Variants in CCDC91 observed in about 807,000 individuals in gnomAD.
The protein encoded by CCDC91 is coiled-coil domain containing 91.
A neutral mutation model predicts 63.2 loss-of-function variants in CCDC91; 48 were observed. That is an observed-to-expected ratio of 0.76 (90% CI 0.60 to 0.97). The LOEUF is 0.97. CCDC91 is among the 50% of genes least tolerant of loss of function. CCDC91 has a pLI of 0.00. For missense variants in CCDC91, 500 were observed against 494.6 expected, an observed-to-expected ratio of 1.01 and a Z score of -0.10; for synonymous variants, 167 against 165.8, an observed-to-expected ratio of 1.01 and a Z score of -0.06.
chr12:28,327,471 A>G (rs11049533), intron 6 of CCDC91, among the ~76,000 whole-genome samples: 28,194 of 152,058 alleles, frequency 0.19, 3,442 homozygotes, highest in Non-Finnish European at 0.28. Flanking sequence ...TGGAGTGGCC[A>G]TCTTCCTTGC....
At chr12:28,276,455 C>G (rs952846770) in intron 3 of CCDC91, among the ~76,000 whole-genome samples, 2 of 151,916 alleles carry the variant, frequency 1.3e-5, no homozygotes, top group African/African-American at 4.8e-5. Context: ...TTTTCTTTCT[C>G]TTAATGGGAA....
At chr12:28,374,197 T>C (rs1343119510) in intron 7 of CCDC91, among the ~76,000 whole-genome samples, 2 of 152,096 alleles carry the variant, frequency 1.3e-5, no homozygotes, top group African/African-American at 2.4e-5. Flanking sequence ...AAAATAGTGG[T>C]TACTCTGTTA....
chr12:28,406,722 T>C (rs917022577), intron 8 of CCDC91, among the ~76,000 whole-genome samples: 2 of 151,700 alleles, frequency 1.3e-5, no homozygotes, highest in Non-Finnish European at 2.9e-5. Flanking sequence ...GTTTTTCCTA[T>C]GTTCTATTAA....
At chr12:28,345,248 G>A (rs1049051548) in intron 6 of CCDC91, among the ~76,000 whole-genome samples, 34 of 151,766 alleles carry the variant, frequency 2.2e-4, no homozygotes, top group African/African-American at 4.8e-5. Context: ...ATGTGTATGC[G>A]TGTGTTTGTG....
At chr12:28,305,116 TCTTTCCCCTTA>T (rs1938567291) in intron 3 of CCDC91, among the ~76,000 whole-genome samples, 1 of 152,130 alleles carries the variant, frequency 6.6e-6, no homozygotes, top group African/African-American at 2.4e-5. Context: ...AAGTAATTGT[TCTTTCCCCTTA>T]CTTATTTTAT....
At chr12:28,472,727 C>T (rs1048166245) in intron 11 of CCDC91, among the ~76,000 whole-genome samples, 1 of 152,096 alleles carries the variant, frequency 6.6e-6, no homozygotes, top group African/African-American at 2.4e-5. Context: ...ACAGTCATCA[C>T]TTGGGAGGCA....
chr12:28,462,373 T>C (rs1950349206), intron 11 of CCDC91, among the ~76,000 whole-genome samples: 1 of 152,130 alleles, frequency 6.6e-6, no homozygotes, highest in African/African-American at 2.4e-5. Context: ...TTTTTATATA[T>C]TATCTTTTCA....
chr12:28,461,669 G>A (rs3911810), intron 11 of CCDC91, among the ~76,000 whole-genome samples: 31,718 of 151,822 alleles, frequency 0.21, 4,342 homozygotes, highest in Non-Finnish European at 0.31. Context: ...ACCTAAAAAC[G>A]TAAAGCATGA....
chr12:28,510,257 G>A (rs776928049), intron 12 of CCDC91, among the ~76,000 whole-genome samples: 2 of 150,898 alleles, frequency 1.3e-5, no homozygotes, highest in South Asian at 4.2e-4. Context: ...GTGTGTGTGT[G>A]TAGAAAGAGA....
intron 3 of CCDC91, chr12:28,304,676 C>T: frequency 7.8e-7 from 1 of 1,276,748 alleles, no homozygotes; most frequent in Middle Eastern, 2.2e-4. Flanking sequence ...TATGGTAGAA[C>T]TTCACTGAAG....
intron 6 of CCDC91, among the ~76,000 whole-genome samples, chr12:28,312,641 G>A (rs1230396636): frequency 1.3e-5 from 2 of 152,036 alleles, no homozygotes; most frequent in East Asian, 3.9e-4. Context: ...TTTAAATAGT[G>A]ATATGGTTTG....
At chr12:28,276,057 G>C (rs1193460606) in intron 3 of CCDC91, among the ~76,000 whole-genome samples, 1 of 151,950 alleles carries the variant, frequency 6.6e-6, no homozygotes, top group East Asian at 1.9e-4. Context: ...TTTGAAAACT[G>C]GCACAAGACA....
intron 8 of CCDC91, among the ~76,000 whole-genome samples, chr12:28,442,819 T>C (rs1049293911): frequency 4.6e-5 from 7 of 152,064 alleles, no homozygotes; most frequent in South Asian, 2.1e-4. Context: ...TTTAAAGTAT[T>C]TTATGATCAA....
In CCDC91 at chr12:28,318,423, C is replaced by G. The variant is rs74872420; in HGVS notation, c.576+10674C>G. ...TGGGCATGGTGTGTGCACCTGTTGT[C>G]CTAGCTACTTGGTAGGCTGAGACTA... On this transcript the variant is annotated intron_variant, in intron 6 of 12. Coordinates refer to ENST00000536442, the MANE Select transcript of CCDC91 (RefSeq NM_018318.5). Among the ~76,000 whole-genome samples the G allele has an allele frequency of 2.0e-3, 306 of 151,802 alleles. 2 individuals carry two copies. The highest frequency in any genetic ancestry group is 7.1e-3 in the African/African-American group (293 of 41,444).
At chr12:28,345,326 A>G (rs541685012) in intron 6 of CCDC91, among the ~76,000 whole-genome samples, 1 of 152,236 alleles carries the variant, frequency 6.6e-6, no homozygotes, top group Admixed American at 6.5e-5. Flanking sequence ...ACTTAACATA[A>G]CTTAGATTAT....
chr12:28,481,642 TGA>T (rs1951452949), intron 11 of CCDC91, among the ~76,000 whole-genome samples: 1 of 151,996 alleles, frequency 6.6e-6, no homozygotes, highest in Non-Finnish European at 1.5e-5. Context: ...GAATTGGGCC[TGA>T]TTAGAAAGTA....
intron 1 of CCDC91, among the ~76,000 whole-genome samples, chr12:28,191,578 G>T (rs1256178410): frequency 2.0e-5 from 3 of 152,158 alleles, no homozygotes; most frequent in Non-Finnish European, 4.4e-5. Context: ...ATGTTGCGTG[G>T]TGGAGTTATT....
intron 8 of CCDC91, among the ~76,000 whole-genome samples, chr12:28,415,299 C>A (rs1447176196): frequency 6.6e-6 from 1 of 151,932 alleles, no homozygotes; most frequent in Non-Finnish European, 1.5e-5. Flanking sequence ...TCTCGGCTCA[C>A]TGCAACCTCC....
At chr12:28,220,975 T>C (rs1344724803) in intron 1 of CCDC91, among the ~76,000 whole-genome samples, 3 of 152,144 alleles carry the variant, frequency 2.0e-5, no homozygotes, top group Non-Finnish European at 4.4e-5. Context: ...GGTTTTATAG[T>C]GTTCATGAAA....
Sources: gnomAD v4.1 joint callset for allele counts (sites outside exome capture counted in the v4.1 genomes callset) on GRCh38, gnomAD v4.1.1 for gene constraint, MANE v1.5 for transcripts, NCBI Gene and HGNC (gene_info 2026-07-23, HGNC 2026-07-21) for gene names.